Variants in KDM4C observed in about 807,000 individuals in gnomAD.
The protein encoded by KDM4C is lysine-specific demethylase 4C.
Under a neutral mutation model 129.3 loss-of-function variants are expected in KDM4C, and 81 were observed. The observed-to-expected ratio is 0.63, with a 90% CI of 0.52 to 0.75. The LOEUF is 0.75. KDM4C is among the 30% of genes least tolerant of loss of function. KDM4C has a pLI of 0.00. For synonymous variants in KDM4C, 573 were observed against 456.1 expected (o/e 1.26, Z -3.26); for missense variants, 1,457 against 1,304.0 (o/e 1.12, Z -1.81).
intron 1 of KDM4C, chr9:6,748,601 T>C (rs1244351065): frequency 3.1e-6 from 2 of 654,046 alleles, no homozygotes; most frequent in Admixed American, 2.2e-5. Context: ...TGTAAAAACA[T>C]AAGTGTAATC....
At chr9:6,744,864 G>T (rs1345088230) in intron 1 of KDM4C, among the ~76,000 whole-genome samples, 1 of 151,816 alleles carries the variant, frequency 6.6e-6, no homozygotes, top group African/African-American at 2.4e-5. Flanking sequence ...GGGGGGTGGG[G>T]AGAGCAGGGG....
At chr9:6,922,049 C>A (rs560684606) in intron 8 of KDM4C, among the ~76,000 whole-genome samples, 1 of 152,184 alleles carries the variant, frequency 6.6e-6, no homozygotes, top group African/African-American at 2.4e-5. Context: ...TTGCCTTATT[C>A]ACACCTGTAT....
At chr9:7,034,821 C>T (rs1164492877) in intron 15 of KDM4C, among the ~76,000 whole-genome samples, 4 of 152,166 alleles carry the variant, frequency 2.6e-5, no homozygotes, top group East Asian at 1.9e-4. Flanking sequence ...TTTTTCTCCA[C>T]GTCCTTACCA....
intron 17 of KDM4C, among the ~76,000 whole-genome samples, chr9:7,071,843 A>T (rs142298977): frequency 4.9e-4 from 75 of 152,318 alleles, no homozygotes; most frequent in African/African-American, 1.6e-3. Flanking sequence ...ACCACCCTGA[A>T]CACACCTGAT....
intron 4 of KDM4C, among the ~76,000 whole-genome samples, chr9:6,827,278 C>T (rs1016232130): frequency 6.6e-6 from 1 of 152,218 alleles, no homozygotes; most frequent in African/African-American, 2.4e-5. Context: ...GAATTAACTG[C>T]TCTCTCTCGT....
At chr9:6,754,734 G>A (rs137943463), upstream of KDM4C, among the ~76,000 whole-genome samples, 1,262 of 151,900 alleles carry the variant, frequency 8.3e-3, 24 homozygotes, top group African/African-American at 0.029. Flanking sequence ...AAATTAGCCA[G>A]GTGTGGTGGT....
At chr9:7,112,743 G>A (rs991469867) in intron 18 of KDM4C, among the ~76,000 whole-genome samples, 1 of 152,106 alleles carries the variant, frequency 6.6e-6, no homozygotes, top group Non-Finnish European at 1.5e-5. Context: ...TCCATGGCTT[G>A]ATACTGTCTT....
chr9:6,944,217 C>A (rs562528884), intron 8 of KDM4C, among the ~76,000 whole-genome samples: 1 of 152,248 alleles, frequency 6.6e-6, no homozygotes, highest in South Asian at 2.1e-4. Context: ...GATTGAACAT[C>A]CTTGCATTTG....
At chr9:7,036,875 G>T (rs1048641549) in intron 15 of KDM4C, among the ~76,000 whole-genome samples, 6 of 152,180 alleles carry the variant, frequency 3.9e-5, no homozygotes, top group African/African-American at 1.4e-4. Flanking sequence ...ATTAATGAAT[G>T]AATGTTTTCA....
chr9:7,001,472 G>A (rs1230146779), intron 12 of KDM4C, among the ~76,000 whole-genome samples: 2 of 152,222 alleles, frequency 1.3e-5, no homozygotes, highest in African/African-American at 2.4e-5. Flanking sequence ...TCATGAGGTA[G>A]AGCTGACAGG....
chr9:6,972,266 T>C (rs888172245), intron 8 of KDM4C, among the ~76,000 whole-genome samples: 17 of 151,856 alleles, frequency 1.1e-4, no homozygotes, highest in Admixed American at 2.0e-4. Flanking sequence ...TATATATATA[T>C]ACACACATAT....
At chr9:7,118,260 G>C (rs1477782584) in intron 18 of KDM4C, among the ~76,000 whole-genome samples, 3 of 152,166 alleles carry the variant, frequency 2.0e-5, no homozygotes, top group Non-Finnish European at 4.4e-5. Context: ...AAAAACCCAT[G>C]AGAAATAAAA....
At chr9:7,062,215 G>A (rs781358376) in intron 17 of KDM4C, among the ~76,000 whole-genome samples, 13 of 152,162 alleles carry the variant, frequency 8.5e-5, no homozygotes, top group Non-Finnish European at 1.8e-4. Context: ...TGATCTGCCT[G>A]CCTTGGCCTC....
chr9:6,962,336 T>C (rs1453094096), intron 8 of KDM4C, among the ~76,000 whole-genome samples: 1 of 152,210 alleles, frequency 6.6e-6, no homozygotes, highest in Non-Finnish European at 1.5e-5. Flanking sequence ...GAAATGTAGA[T>C]AAGTTATCCA....
At chr9:6,835,779 A>G (rs1835771454) in intron 4 of KDM4C, among the ~76,000 whole-genome samples, 1 of 152,154 alleles carries the variant, frequency 6.6e-6, no homozygotes, top group Admixed American at 6.5e-5. Flanking sequence ...AAATTTCTGC[A>G]GTGTGGCTGA....
chr9:7,125,598 T>G (rs759149027), intron 18 of KDM4C, among the ~76,000 whole-genome samples: 4 of 152,240 alleles, frequency 2.6e-5, no homozygotes, highest in Non-Finnish European at 5.9e-5. Flanking sequence ...TACAAGGTGT[T>G]TTAGCTTTTT....
chr9:7,145,005 T>C lies in KDM4C; in HGVS notation c.2781+16769T>C, dbSNP rs180748466. Among the ~76,000 whole-genome samples the C allele has an allele frequency of 4.8e-3, 726 of 152,288 alleles. 3 individuals are homozygous for C. The highest frequency in any genetic ancestry group is 0.016 in the African/African-American group (673 of 41,554). ...CTGTTGCCTTCATCCTTTCTATGCA[T>C]TTTGCTTCACCCCTTTGCGCATCAC... On this transcript the variant is annotated intron_variant, in intron 19 of 21. Coordinates refer to ENST00000381309, the MANE Select transcript of KDM4C (RefSeq NM_015061.6).
At chr9:6,749,230 G>A (rs1026740952) in intron 1 of KDM4C, among the ~76,000 whole-genome samples, 1 of 152,092 alleles carries the variant, frequency 6.6e-6, no homozygotes, top group African/African-American at 2.4e-5. Context: ...TATTTGCCAG[G>A]CTGGTTTCGA....
chr9:6,930,660 T>C (rs1245932291), intron 8 of KDM4C, among the ~76,000 whole-genome samples: 2 of 72,598 alleles, frequency 2.8e-5, no homozygotes, highest in Non-Finnish European at 6.2e-5. Context: ...ATACTACATA[T>C]AATAGTACAA....
Sources: allele counts gnomAD v4.1 joint callset (sites outside exome capture counted in the v4.1 genomes callset), GRCh38; gene constraint gnomAD v4.1.1; transcripts MANE v1.5; gene names NCBI Gene and HGNC (gene_info 2026-07-23, HGNC 2026-07-21).